Variants in DPP10 observed in about 807,000 individuals in gnomAD.
DPP10 encodes the protein inactive dipeptidyl peptidase 10.
A neutral mutation model predicts 120.9 loss-of-function variants in DPP10; 33 were observed. The observed-to-expected ratio is 0.27, with a 90% CI of 0.21 to 0.37. The LOEUF (loss-of-function observed/expected upper bound fraction) is 0.37. DPP10 is among the 10% of genes least tolerant of loss of function. The pLI, the probability that DPP10 is intolerant of heterozygous loss-of-function variation, is 1.00. For missense variants in DPP10, 816 were observed against 942.8 expected, an observed-to-expected ratio of 0.87 and a Z score of 1.76; for synonymous variants, 337 against 326.1, an observed-to-expected ratio of 1.03 and a Z score of -0.36.
intron 5 of DPP10, among the ~76,000 whole-genome samples, chr2:115,581,866 A>T (rs954417151): frequency 6.6e-6 from 1 of 152,126 alleles, no homozygotes; most frequent in Non-Finnish European, 1.5e-5. Context: ...AAATACTTAT[A>T]TATGAAATAT....
chr2:114,986,423 C>T (rs1700394111), intron 1 of DPP10, among the ~76,000 whole-genome samples: 1 of 152,110 alleles, frequency 6.6e-6, no homozygotes, highest in Non-Finnish European at 1.5e-5. Flanking sequence ...ATGTTCTTTC[C>T]ACCATTCTCA....
intron 1 of DPP10, among the ~76,000 whole-genome samples, chr2:114,455,064 TATA>T (rs1184046483): frequency 6.6e-6 from 1 of 152,178 alleles, no homozygotes; most frequent in Non-Finnish European, 1.5e-5. Context: ...TTATTTGATA[TATA>T]ATCACATGGC....
chr2:115,399,654 A>G (rs1419379436), intron 3 of DPP10, among the ~76,000 whole-genome samples: 2 of 152,174 alleles, frequency 1.3e-5, no homozygotes, highest in African/African-American at 2.4e-5. Flanking sequence ...ATTAATTTAT[A>G]TGCTTAAAGT....
At chr2:115,605,446 G>T (rs113108861) in intron 5 of DPP10, among the ~76,000 whole-genome samples, 2 of 151,866 alleles carry the variant, frequency 1.3e-5, no homozygotes, top group African/African-American at 4.8e-5. Context: ...TGTATGATTT[G>T]CAGCTTTTTA....
chr2:115,676,247 A>G (rs1047183616), intron 5 of DPP10, among the ~76,000 whole-genome samples: 2 of 152,182 alleles, frequency 1.3e-5, no homozygotes, highest in Non-Finnish European at 2.9e-5. Flanking sequence ...AATGGCCACA[A>G]AGGCACTTAG....
intron 1 of DPP10, among the ~76,000 whole-genome samples, chr2:115,203,789 T>C (rs2055916812): frequency 6.6e-6 from 1 of 152,136 alleles, no homozygotes; most frequent in African/African-American, 2.4e-5. Context: ...TACTATCCAA[T>C]ATATTTTATT....
chr2:115,366,173 G>A (rs1440290097), intron 3 of DPP10, among the ~76,000 whole-genome samples: 1 of 151,732 alleles, frequency 6.6e-6, no homozygotes, highest in Admixed American at 6.6e-5. Flanking sequence ...CCCAAAGGAT[G>A]CCTATAATGC....
chr2:114,829,199 G>A (rs563362935), intron 1 of DPP10, among the ~76,000 whole-genome samples: 1 of 151,924 alleles, frequency 6.6e-6, no homozygotes, highest in Non-Finnish European at 1.5e-5. Flanking sequence ...TGAAGAAGGA[G>A]AACTGCTTGA....
intron 5 of DPP10, among the ~76,000 whole-genome samples, chr2:115,617,255 G>A (rs1200958930): frequency 2.7e-5 from 2 of 73,596 alleles, no homozygotes; most frequent in Admixed American, 3.9e-4. Flanking sequence ...ATGTATGTAT[G>A]GGTATATATA....
At chr2:114,532,805 A>T (rs1180134405) in intron 1 of DPP10, among the ~76,000 whole-genome samples, 8 of 152,178 alleles carry the variant, frequency 5.3e-5, no homozygotes, top group Non-Finnish European at 1.5e-5. Flanking sequence ...TACATGGATG[A>T]GTCTCCTCTA....
At chr2:114,974,047 TTTATAA>T (rs776178482) in intron 1 of DPP10, among the ~76,000 whole-genome samples, 70 of 152,276 alleles carry the variant, frequency 4.6e-4, no homozygotes, top group Non-Finnish European at 7.5e-4. Flanking sequence ...AAAAATTTAG[TTTATAA>T]AGTAAAAAAC....
intron 1 of DPP10, among the ~76,000 whole-genome samples, chr2:114,653,035 T>A (rs1487505511): frequency 2.6e-5 from 4 of 151,126 alleles, no homozygotes; most frequent in African/African-American, 9.7e-5. Flanking sequence ...AGAGTGTGTG[T>A]GTGTGTGTGT....
intron 3 of DPP10, among the ~76,000 whole-genome samples, chr2:115,475,556 A>C (rs1030584608): frequency 7.2e-5 from 11 of 152,190 alleles, no homozygotes; most frequent in African/African-American, 2.2e-4. Context: ...TCCCCAGTGG[A>C]GGACTGTCTA....
At chr2:114,788,697 A>AT (rs1337992951) in intron 1 of DPP10, among the ~76,000 whole-genome samples, 1 of 152,244 alleles carries the variant, frequency 6.6e-6, no homozygotes, top group African/African-American at 2.4e-5. Flanking sequence ...CAATAGTATT[A>AT]TAAGTAGTAA....
intron 1 of DPP10, among the ~76,000 whole-genome samples, chr2:115,225,954 C>A (rs986783623): frequency 6.6e-6 from 1 of 151,984 alleles, no homozygotes; most frequent in African/African-American, 2.4e-5. Context: ...TTTGGCGCTA[C>A]CTTTTATTAC....
At chr2:115,490,501 T>C (rs1365847176) in intron 3 of DPP10, among the ~76,000 whole-genome samples, 1 of 152,120 alleles carries the variant, frequency 6.6e-6, no homozygotes, top group Non-Finnish European at 1.5e-5. Flanking sequence ...TCAATGGTTT[T>C]ACCTACAATT....
At chr2:115,406,938 C>T (rs1445015213) in intron 3 of DPP10, among the ~76,000 whole-genome samples, 3 of 151,994 alleles carry the variant, frequency 2.0e-5, no homozygotes, top group South Asian at 4.1e-4. Context: ...TAGAAAAAAC[C>T]GGGTTCTTGT....
At chr2:115,701,057 A>C (rs758313236) in intron 7 of DPP10, among the ~76,000 whole-genome samples, 2 of 152,126 alleles carry the variant, frequency 1.3e-5, no homozygotes, top group Non-Finnish European at 2.9e-5. Flanking sequence ...TCAAAATCCA[A>C]ATAATGTCTT....
chr2:114,922,710 C>T (rs988927353), intron 1 of DPP10, among the ~76,000 whole-genome samples: 6 of 151,906 alleles, frequency 3.9e-5, no homozygotes, highest in African/African-American at 9.7e-5. Context: ...CATGTTGTAC[C>T]GTGAATCAAC....
Sources: allele counts gnomAD v4.1 joint callset (sites outside exome capture counted in the v4.1 genomes callset), GRCh38; gene constraint gnomAD v4.1.1; transcripts MANE v1.5; gene names NCBI Gene and HGNC (gene_info 2026-07-23, HGNC 2026-07-21).